The following PLCB4 variants were observed in gnomAD, a reference collection of about 807,000 sequenced individuals.
PLCB4 encodes phospholipase C beta 4, also known as 1-phosphatidylinositol 4,5-bisphosphate phosphodiesterase beta-4.
PLCB4 carries 77 observed loss-of-function variants against 178.8 expected under a neutral mutation model. The ratio of observed to expected loss-of-function variants is 0.43; its 90% CI spans 0.36 to 0.52. The LOEUF (loss-of-function observed/expected upper bound fraction) is 0.52. Ranked by LOEUF, PLCB4 falls within the 20% of genes least tolerant of loss-of-function variation. PLCB4 has a pLI of 0.00. For synonymous variants in PLCB4, 496 were observed against 490.8 expected, an observed-to-expected ratio of 1.01 and a Z score of -0.14; for missense variants, 1,024 against 1,453.4, an observed-to-expected ratio of 0.70 and a Z score of 4.80.
chr20:9,078,716 A>C (rs2146502569), intron 1 of PLCB4, among the ~76,000 whole-genome samples: 1 of 152,338 alleles, frequency 6.6e-6, no homozygotes, highest in South Asian at 2.1e-4. Context: ...CAGGAAATCT[A>C]GGTCACTGAT....
Position 9,480,080 on chromosome 20 carries a change from A to G in PLCB4, c.*1071A>G, listed in dbSNP as rs994028679. ...TCAAGTTCTAGTTTGAAAAAAATACATAACTAATTTAATTTTACACAAAAA... is the reference window on the plus strand; with the variant it reads ...TCAAGTTCTAGTTTGAAAAAAATACGTAACTAATTTAATTTTACACAAAAA... On this transcript the variant is annotated 3_prime_UTR_variant, in exon 40 of 40. Transcript: ENST00000378473. 13 of 152,784 alleles carry G rather than the reference A, an allele frequency of 8.5e-5. No homozygotes were observed. The highest frequency in any genetic ancestry group is 6.2e-4 in the South Asian group (3 of 4,830). The allele number at this position is 152,784 out of a possible 1,614,324, so 9.5% of individuals were successfully genotyped here.
At chr20:9,351,086 T>C (rs1278313684) in intron 7 of PLCB4, among the ~76,000 whole-genome samples, 10 of 151,990 alleles carry the variant, frequency 6.6e-5, no homozygotes, top group African/African-American at 1.9e-4. Flanking sequence ...CAGCTAAGCA[T>C]GAGAAAGCCT....
chr20:9,222,200 C>T (rs2147296311), intron 3 of PLCB4, among the ~76,000 whole-genome samples: 1 of 152,018 alleles, frequency 6.6e-6, no homozygotes, highest in Admixed American at 6.5e-5. Context: ...AGTTATCCTC[C>T]TGCCTCAACC....
intron 21 of PLCB4, among the ~76,000 whole-genome samples, chr20:9,407,054 T>G (rs1387121417): frequency 6.6e-6 from 1 of 152,210 alleles, no homozygotes; most frequent in Non-Finnish European, 1.5e-5. Flanking sequence ...TAAGATTAAG[T>G]GCTTTTTAAA....
intron 1 of PLCB4, among the ~76,000 whole-genome samples, chr20:9,069,960 G>A (rs1012970635): frequency 1.3e-5 from 2 of 152,198 alleles, no homozygotes; most frequent in South Asian, 4.1e-4. Flanking sequence ...AACTTCTGTA[G>A]TGATTCTAGC....
At chr20:9,178,704 TA>T (rs954195058) in intron 2 of PLCB4, among the ~76,000 whole-genome samples, 6 of 151,916 alleles carry the variant, frequency 3.9e-5, no homozygotes, top group Non-Finnish European at 7.4e-5. Context: ...ATTTCACCCT[TA>T]GGGGCTAAAT....
Position 9,457,476 on chromosome 20 carries a change from A to T in PLCB4, c.3059A>T (p.Asp1020Val). ...ATCAAAATTCAGACGCTGACATCAG[A>T]TCACAAATCTAAGGTAAGAAAATGC... The part of the protein sequence containing the change: ...TEIKIQTLTS[D>V]HKSKVKEIVA... The change falls in exon 34 of 40, where the codon GAT (aspartate) becomes GTT (valine). Residue 1020 changes from aspartate (D) to valine (V), a missense_variant. This residue lies in a region of PLCB4 where 264 missense variants were observed against 283.2 expected (regional missense o/e 0.93). Transcript: ENST00000378473. The T allele has an allele frequency of 6.6e-7, 1 of 1,509,000 alleles. No individual in the cohort carries two copies. The highest frequency in any genetic ancestry group is 1.4e-5 in the African/African-American group (1 of 72,792). 93.5% of individuals were successfully genotyped at this position (1,509,000 alleles called of 1,614,324 possible). A position where few individuals can be genotyped will look rare whatever the true frequency, so the allele number is the denominator to read the frequency against.
chr20:9,456,067 C>T (rs1026988073), intron 33 of PLCB4, among the ~76,000 whole-genome samples: 4 of 152,164 alleles, frequency 2.6e-5, no homozygotes, highest in Admixed American at 6.5e-5. Context: ...AACTCCTGAC[C>T]TCAAGTGATC....
At chr20:9,415,706 A>G (rs538578477) in intron 25 of PLCB4, among the ~76,000 whole-genome samples, 3 of 151,038 alleles carry the variant, frequency 2.0e-5, no homozygotes, top group African/African-American at 7.4e-5. Flanking sequence ...CAGACCATCT[A>G]TGTCATTTGC....
At chr20:9,327,157 G>A (rs2030738078) in intron 4 of PLCB4, among the ~76,000 whole-genome samples, 1 of 151,238 alleles carries the variant, frequency 6.6e-6, no homozygotes, top group Admixed American at 6.6e-5. Context: ...ATCAATACTG[G>A]GCCAGGTGCA....
chr20:9,207,147 C>T (rs985409260), intron 2 of PLCB4, among the ~76,000 whole-genome samples: 2 of 152,062 alleles, frequency 1.3e-5, no homozygotes, highest in Admixed American at 6.6e-5. Flanking sequence ...AAAACCAATA[C>T]CCAAAACAAA....
intron 32 of PLCB4, among the ~76,000 whole-genome samples, chr20:9,451,677 A>G (rs575264464): frequency 6.6e-6 from 1 of 152,232 alleles, no homozygotes; most frequent in African/African-American, 2.4e-5. Context: ...TGATATCCCT[A>G]TCTCAAGTCA....
At chr20:9,459,076 G>A (rs550515104) in intron 34 of PLCB4, among the ~76,000 whole-genome samples, 4 of 152,248 alleles carry the variant, frequency 2.6e-5, no homozygotes, top group African/African-American at 9.6e-5. Context: ...GAGTGTGGTG[G>A]CTCACGCCTG....
intron 7 of PLCB4, among the ~76,000 whole-genome samples, chr20:9,359,530 GAAACAGGGAAACCGTGCTGAT>G (rs2035134435): frequency 6.6e-6 from 1 of 152,174 alleles, no homozygotes; most frequent in Non-Finnish European, 1.5e-5. Flanking sequence ...AGCTGCTAGG[GAAACAGGGAAACCGTGCTGAT>G]CCGAACATCA....
chr20:9,443,482 G>A (rs1250390893), intron 30 of PLCB4, among the ~76,000 whole-genome samples: 1 of 152,144 alleles, frequency 6.6e-6, no homozygotes, highest in Non-Finnish European at 1.5e-5. Context: ...ATTGCCCTGG[G>A]ACCATGAGAG....
At chr20:9,116,720 C>T (rs1335870656) in intron 2 of PLCB4, among the ~76,000 whole-genome samples, 1 of 151,910 alleles carries the variant, frequency 6.6e-6, no homozygotes, top group African/African-American at 2.4e-5. Flanking sequence ...TGTCAAGTTC[C>T]ATGAAAAAAA....
intron 24 of PLCB4, among the ~76,000 whole-genome samples, chr20:9,409,440 C>T (rs2039702061): frequency 6.6e-6 from 1 of 151,972 alleles, no homozygotes; most frequent in Non-Finnish European, 1.5e-5. Context: ...TAACCATTAT[C>T]CCATATTCCA....
intron 3 of PLCB4, among the ~76,000 whole-genome samples, chr20:9,293,933 A>G (rs1160610263): frequency 1.3e-5 from 2 of 152,294 alleles, no homozygotes; most frequent in African/African-American, 2.4e-5. Flanking sequence ...CAAAATGCTC[A>G]GTACCGGGGG....
chr20:9,096,197 A>G (rs1257325095), intron 1 of PLCB4, 90 bp from the exon 2 acceptor site: 1 of 152,210 alleles, frequency 6.6e-6, no homozygotes, highest in African/African-American at 2.4e-5. Context: ...ATGAAACACA[A>G]CATGGTAAGA....
Sources: gnomAD v4.1 joint callset for allele counts (sites outside exome capture counted in the v4.1 genomes callset) on GRCh38, gnomAD v4.1.1 for gene constraint, gnomAD v4.1.1 regional missense constraint, MANE v1.5 for transcripts, NCBI Gene and HGNC (gene_info 2026-07-23, HGNC 2026-07-21) for gene names.